Variants in FHIP1A observed in about 807,000 individuals in gnomAD.
FHIP1A encodes the protein FHF complex subunit HOOK interacting protein 1A, also known as FHF complex subunit HOOK-interacting protein 1A.
Under a neutral mutation model 88.6 loss-of-function variants are expected in FHIP1A, and 61 were observed. The observed-to-expected ratio is 0.69, with a 90% CI of 0.56 to 0.85. The LOEUF (loss-of-function observed/expected upper bound fraction) is 0.85, where lower values mean the gene tolerates loss of function less well. FHIP1A is among the 40% of genes least tolerant of loss of function. The pLI is 0.00. For missense variants in FHIP1A, 1,154 were observed against 1,273.5 expected (o/e 0.91, Z 1.43); for synonymous variants, 478 against 496.0 (o/e 0.96, Z 0.48).
Position 151,650,328 on chromosome 4 carries a change from G to T in FHIP1A, c.2287G>T (p.Asp763Tyr). The T allele has an allele frequency of 6.4e-7, 1 of 1,551,722 alleles. No homozygotes were observed. Among genetic ancestry groups the T allele is most frequent in the South Asian group, 1.2e-5 (1 of 84,060 alleles). The part of the protein sequence containing the change: ...AQYDQIIKEL[D>Y]SGAEGLMEQN... Reference sequence around the variant, plus strand: ...GTATGACCAAATCATTAAAGAGCTGGATTCCGGCGCCGAGGGCTTGATGGA... The same window carrying T: ...GTATGACCAAATCATTAAAGAGCTGTATTCCGGCGCCGAGGGCTTGATGGA... The change falls in exon 11 of 14, where the codon GAT becomes TAT. Residue 763 changes from aspartate to tyrosine, a missense_variant. Asp to Tyr is a radical substitution (Grantham distance 160, BLOSUM62 -3). Coordinates refer to ENST00000435205, the MANE Select transcript of FHIP1A (RefSeq NM_001109977.3).
At position 151,666,430 on chromosome 4, in the gene FHIP1A, A is replaced by G. The variant is rs1737668939; in HGVS notation, c.*3676A>G. Among the ~76,000 whole-genome samples, 1 of 152,178 alleles carries G rather than the reference A, an allele frequency of 6.6e-6. No homozygotes were observed. Among genetic ancestry groups the G allele is most frequent in the South Asian group, 2.1e-4 (1 of 4,818 alleles). ...TAGGTAGGACGCATTCGGTATTTTTATAGGTCATCAGGAGTACCCTTTCCT... is the reference window on the plus strand; with the variant it reads ...TAGGTAGGACGCATTCGGTATTTTTGTAGGTCATCAGGAGTACCCTTTCCT... On this transcript the variant is annotated 3_prime_UTR_variant, in exon 14 of 14. Transcript: ENST00000435205.
chr4:151,607,230 G>A (rs1735108353), intron 7 of FHIP1A, among the ~76,000 whole-genome samples: 1 of 152,196 alleles, frequency 6.6e-6, no homozygotes, highest in South Asian at 2.1e-4. Flanking sequence ...AAACAGAAGA[G>A]TACCGTGGAA....
intron 8 of FHIP1A, among the ~76,000 whole-genome samples, chr4:151,634,524 T>G (rs1736276436): frequency 6.6e-6 from 1 of 151,708 alleles, no homozygotes. Flanking sequence ...AAAGCTATAG[T>G]AATAAAAAAC....
At chr4:151,540,596 C>A (rs1007286030) in intron 3 of FHIP1A, among the ~76,000 whole-genome samples, 2 of 152,066 alleles carry the variant, frequency 1.3e-5, no homozygotes, top group African/African-American at 2.4e-5. Context: ...TACTCTACAG[C>A]AGTAAAATTG....
At chr4:151,530,893 C>T (rs73861862) in intron 3 of FHIP1A, among the ~76,000 whole-genome samples, 3,114 of 152,208 alleles carry the variant, frequency 0.02, 106 homozygotes, top group African/African-American at 0.07. Flanking sequence ...AGAAAAGTTA[C>T]GTGGTGCTAA....
intron 3 of FHIP1A, among the ~76,000 whole-genome samples, chr4:151,562,337 G>T (rs1334677122): frequency 6.6e-6 from 1 of 152,128 alleles, no homozygotes; most frequent in South Asian, 2.1e-4. Context: ...TAGTGGTTTT[G>T]GTTTGGAAAC....
At chr4:151,459,088 C>T (rs1221199254) in intron 2 of FHIP1A, among the ~76,000 whole-genome samples, 2 of 152,122 alleles carry the variant, frequency 1.3e-5, no homozygotes, top group African/African-American at 4.8e-5. Context: ...TGACCAGCTG[C>T]ATGTGAACAT....
At chr4:151,572,204 C>T (rs557512142) in intron 4 of FHIP1A, among the ~76,000 whole-genome samples, 1 of 152,248 alleles carries the variant, frequency 6.6e-6, no homozygotes, top group Non-Finnish European at 1.5e-5. Context: ...GAGACTCCAT[C>T]TCAAAAAATA....
At chr4:151,471,912 T>C (rs1287168510) in intron 2 of FHIP1A, among the ~76,000 whole-genome samples, 1 of 152,206 alleles carries the variant, frequency 6.6e-6, no homozygotes, top group African/African-American at 2.4e-5. Flanking sequence ...AATAATATTC[T>C]CCAGTCTCAT....
At chr4:151,537,144 C>T (rs1416006564) in intron 3 of FHIP1A, among the ~76,000 whole-genome samples, 1 of 152,102 alleles carries the variant, frequency 6.6e-6, no homozygotes, top group Non-Finnish European at 1.5e-5. Context: ...TCCCAAAGTG[C>T]TGGGATCACA....
At chr4:151,443,709 G>GTGTGTGTGTGTA (rs1470472194) in intron 1 of FHIP1A, among the ~76,000 whole-genome samples, 1 of 150,742 alleles carries the variant, frequency 6.6e-6, no homozygotes, top group Non-Finnish European at 1.5e-5. Flanking sequence ...GTGTGTGTGT[G>GTGTGTGTGTGTA]TGTGTGTGTG....
At chr4:151,417,020 A>G (rs901834371) in intron 1 of FHIP1A, among the ~76,000 whole-genome samples, 3 of 152,150 alleles carry the variant, frequency 2.0e-5, no homozygotes, top group Non-Finnish European at 2.9e-5. Flanking sequence ...CCCCGGCCCA[A>G]GAGATTCCCC....
In FHIP1A at chr4:151,629,782, G is replaced by C. The variant is rs1173733536; in HGVS notation, c.1059G>C (p.Glu353Asp). ...GCATCTCCGAGCCAGCACTACTTGAGATCTTCCTCCGTTTTATCCTATTGC... is the reference window on the plus strand; with the variant it reads ...GCATCTCCGAGCCAGCACTACTTGACATCTTCCTCCGTTTTATCCTATTGC... ...LRSISEPALLEIFLRFILLHQ... is the reference protein window; with the variant it reads ...LRSISEPALLDIFLRFILLHQ... The change falls in exon 8 of 14, where the codon GAG (glutamate) becomes GAC (aspartate). Residue 353 changes from glutamate (E) to aspartate (D), a missense_variant. Transcript: ENST00000435205. 3 of 1,551,498 alleles carry C rather than the reference G, an allele frequency of 1.9e-6. No homozygotes were observed. In the Admixed American group the frequency reaches 5.9e-5, roughly 30 times the overall value.
At chr4:151,617,224 C>A (rs1735576042) in intron 7 of FHIP1A, among the ~76,000 whole-genome samples, 1 of 151,934 alleles carries the variant, frequency 6.6e-6, no homozygotes, top group Admixed American at 6.5e-5. Context: ...TGGGAGGACA[C>A]ATGAGGATTG....
intron 1 of FHIP1A, among the ~76,000 whole-genome samples, chr4:151,416,223 T>G (rs1008043631): frequency 3.3e-5 from 5 of 152,194 alleles, no homozygotes; most frequent in African/African-American, 7.2e-5. Flanking sequence ...TGGGAACATT[T>G]CAGGAATTCC....
At chr4:151,607,873 C>T (rs1299391342) in intron 7 of FHIP1A, among the ~76,000 whole-genome samples, 1 of 152,140 alleles carries the variant, frequency 6.6e-6, no homozygotes, top group East Asian at 1.9e-4. Context: ...CTTCACATGA[C>T]ACTGTGTGTT....
intron 1 of FHIP1A, among the ~76,000 whole-genome samples, chr4:151,424,190 C>T (rs145988085): frequency 7.1e-4 from 108 of 152,270 alleles, no homozygotes; most frequent in Non-Finnish European, 1.2e-3. Flanking sequence ...TCAAAATCCC[C>T]GGAATGGTTC....
intron 4 of FHIP1A, among the ~76,000 whole-genome samples, chr4:151,567,843 G>C (rs544194451): frequency 1.3e-5 from 2 of 152,196 alleles, no homozygotes; most frequent in Non-Finnish European, 2.9e-5. Context: ...TTTTAACTGA[G>C]AACATTTTCA....
intron 3 of FHIP1A, among the ~76,000 whole-genome samples, chr4:151,510,706 C>T: frequency 6.6e-6 from 1 of 152,140 alleles, no homozygotes; most frequent in Admixed American, 6.5e-5. Flanking sequence ...GTTTTATCTT[C>T]TCACTTTTAC....
Sources: gnomAD v4.1 joint callset for allele counts (sites outside exome capture counted in the v4.1 genomes callset) on GRCh38, gnomAD v4.1.1 for gene constraint, MANE v1.5 for transcripts, NCBI Gene and HGNC (gene_info 2026-07-23, HGNC 2026-07-21) for gene names.